TGFA: variants seen among roughly 807,000 people sequenced by gnomAD.
The protein encoded by TGFA is protransforming growth factor alpha.
Under a neutral mutation model 21.7 loss-of-function variants are expected in TGFA, and 12 were observed. That is an observed-to-expected ratio of 0.55 (90% CI 0.35 to 0.90). TGFA has a LOEUF of 0.90. TGFA is among the 40% of genes least tolerant of loss of function. TGFA has a pLI of 0.01. For missense variants in TGFA, 178 were observed against 210.8 expected, an observed-to-expected ratio of 0.84 and a Z score of 0.96; for synonymous variants, 79 against 88.1, an observed-to-expected ratio of 0.90 and a Z score of 0.58.
chr2:70,489,025 G>A (rs1358575307), intron 2 of TGFA, among the ~76,000 whole-genome samples: 1 of 152,200 alleles, frequency 6.6e-6, no homozygotes, highest in Non-Finnish European at 1.5e-5. Context: ...GGGCTGGAAA[G>A]ATGGCACAAA....
intron 1 of TGFA, among the ~76,000 whole-genome samples, chr2:70,548,783 A>T (rs555476307): frequency 1.3e-5 from 2 of 152,348 alleles, no homozygotes; most frequent in South Asian, 2.1e-4. Flanking sequence ...TGTAATCCTT[A>T]ACAGAATTTA....
At chr2:70,526,979 G>A (rs1672656245) in intron 1 of TGFA, among the ~76,000 whole-genome samples, 1 of 152,230 alleles carries the variant, frequency 6.6e-6, no homozygotes. Flanking sequence ...TCATCTAAAT[G>A]AAAGTGGTTC....
At chr2:70,550,212 C>A (rs932394831) in intron 1 of TGFA, among the ~76,000 whole-genome samples, 4 of 152,144 alleles carry the variant, frequency 2.6e-5, no homozygotes, top group African/African-American at 9.7e-5. Context: ...AATAATAAAG[C>A]TTATCTCTGG....
chr2:70,508,944 T>C (rs76284275), intron 2 of TGFA, among the ~76,000 whole-genome samples: 4,034 of 152,308 alleles, frequency 0.026, 73 homozygotes, highest in Middle Eastern at 0.048. Context: ...CAAAAAGCAC[T>C]GACCCAGCAC....
intron 1 of TGFA, among the ~76,000 whole-genome samples, chr2:70,549,086 C>G (rs1325257315): frequency 6.6e-6 from 1 of 152,104 alleles, no homozygotes; most frequent in Admixed American, 6.5e-5. Flanking sequence ...GAAACGGCAG[C>G]AAGACAACGG....
At chr2:70,532,037 G>A (rs2103906047) in intron 1 of TGFA, among the ~76,000 whole-genome samples, 1 of 152,276 alleles carries the variant, frequency 6.6e-6, no homozygotes, top group Non-Finnish European at 1.5e-5. Flanking sequence ...TTTCCCCCCA[G>A]TATAAGGGAG....
At chr2:70,537,578 G>T (rs1437970709) in intron 1 of TGFA, among the ~76,000 whole-genome samples, 1 of 152,212 alleles carries the variant, frequency 6.6e-6, no homozygotes, top group Non-Finnish European at 1.5e-5. Flanking sequence ...GGTTGTTATG[G>T]AGAAAGTTTC....
chr2:70,456,630 A>C, intron 3 of TGFA, 142 bp from the exon 4 acceptor site: 3 of 986,070 alleles, frequency 3.0e-6, no homozygotes, highest in Non-Finnish European at 4.4e-6. Flanking sequence ...ATTGGAGGGA[A>C]AGGTGTCAGC....
In TGFA at chr2:70,515,839, C is replaced by T. The variant is rs1267012236; in HGVS notation, c.41-927G>A. On this transcript the variant is annotated intron_variant, in intron 1 of 5. Transcript: ENST00000295400. ...ATAAGCAGGACCACGGGAACAAAGC[C>T]TCTAAGCCCCCAGTGCATACTGTAT... Among the ~76,000 whole-genome samples, 3 of 152,296 alleles carry T rather than the reference C, an allele frequency of 2.0e-5. No homozygotes were observed. In the South Asian group the frequency reaches 6.2e-4, roughly 32 times the overall value.
intron 3 of TGFA, among the ~76,000 whole-genome samples, 165 bp downstream of exon 3, chr2:70,465,451 T>C (rs1459036362): frequency 1.3e-5 from 2 of 152,152 alleles, no homozygotes; most frequent in African/African-American, 4.8e-5. Flanking sequence ...TTTAGACATC[T>C]GGTTTTGAAA....
intron 2 of TGFA, among the ~76,000 whole-genome samples, chr2:70,471,296 A>G (rs1174944570): frequency 6.6e-6 from 1 of 152,080 alleles, no homozygotes; most frequent in African/African-American, 2.4e-5. Flanking sequence ...CTGATAGGGG[A>G]TGTGATTCAC....
chr2:70,465,210 C>T (rs11466252), intron 3 of TGFA, among the ~76,000 whole-genome samples: 3,683 of 152,284 alleles, frequency 0.024, 162 homozygotes, highest in African/African-American at 0.084. Flanking sequence ...TGTGAAGATG[C>T]TAGAGGGCAG....
At chr2:70,468,356 G>A (rs553577421) in intron 2 of TGFA, 2 of 152,352 alleles carry the variant, frequency 1.3e-5, no homozygotes, top group Non-Finnish European at 2.9e-5. Flanking sequence ...CAGTTGCCTG[G>A]GCTGGTTACA....
intron 2 of TGFA, among the ~76,000 whole-genome samples, chr2:70,479,154 T>C (rs899265745): frequency 6.6e-6 from 1 of 152,250 alleles, no homozygotes; most frequent in Non-Finnish European, 1.5e-5. Flanking sequence ...GAAAAAATTA[T>C]ATCCTCCCCA....
intron 1 of TGFA, 113 bp from the exon 2 acceptor site, chr2:70,515,025 T>C (rs782436969): frequency 2.9e-4 from 258 of 902,876 alleles, no homozygotes; most frequent in Non-Finnish European, 4.3e-4. Flanking sequence ...TTTCACAGAG[T>C]GGCCGGTAGA....
At chr2:70,547,542 CAAG>C (rs1673343715) in intron 1 of TGFA, among the ~76,000 whole-genome samples, 1 of 49,276 alleles carries the variant, frequency 2.0e-5, no homozygotes, top group African/African-American at 6.3e-5. Flanking sequence ...GCCTCCATCT[CAAG>C]AAAAAAAAAA....
chr2:70,539,312 C>T (rs1267207177), intron 1 of TGFA, among the ~76,000 whole-genome samples: 1 of 151,974 alleles, frequency 6.6e-6, no homozygotes, highest in African/African-American at 2.4e-5. Context: ...ACTTTTCCAT[C>T]AAAACCCCCG....
At chr2:70,459,415 A>G (rs1365383384) in intron 3 of TGFA, among the ~76,000 whole-genome samples, 1 of 152,236 alleles carries the variant, frequency 6.6e-6, no homozygotes, top group Non-Finnish European at 1.5e-5. Context: ...AAAAGCTTCT[A>G]GAGGTTTGGG....
chr2:70,536,418 G>A (rs1672970028), intron 1 of TGFA, among the ~76,000 whole-genome samples: 1 of 152,266 alleles, frequency 6.6e-6, no homozygotes, highest in African/African-American at 2.4e-5. Context: ...AGCTCCTGTG[G>A]AACATTCACC....
Sources: allele counts gnomAD v4.1 joint callset (sites outside exome capture counted in the v4.1 genomes callset), GRCh38; gene constraint gnomAD v4.1.1; transcripts MANE v1.5; gene names NCBI Gene and HGNC (gene_info 2026-07-23, HGNC 2026-07-21).